The following CAPN5 variants were observed in gnomAD, a reference collection of about 807,000 sequenced individuals.
The protein encoded by CAPN5 is calpain-5.
In CAPN5, 54 loss-of-function variants were observed where a neutral mutation model predicts 73.0. That is an observed-to-expected ratio of 0.74 (90% CI 0.59 to 0.93). The LOEUF (loss-of-function observed/expected upper bound fraction) is 0.93. CAPN5 is among the 40% of genes least tolerant of loss of function. The probability of loss-of-function intolerance (pLI) is 0.00; values close to 1 mark genes in which losing one functional copy is unlikely to be tolerated. For missense variants in CAPN5, 785 were observed against 882.9 expected (o/e 0.89, Z 1.41); for synonymous variants, 335 against 356.9 (o/e 0.94, Z 0.69).
At chr11:77,122,353 C>T (rs1950528191) in intron 11 of CAPN5, among the ~76,000 whole-genome samples, 1 of 152,108 alleles carries the variant, frequency 6.6e-6, no homozygotes, top group African/African-American at 2.4e-5. Context: ...AAAGGTGCTC[C>T]GGGCAGAGGG....
chr11:77,119,353 C>A, intron 9 of CAPN5: 1 of 604,148 alleles, frequency 1.7e-6, no homozygotes, highest in South Asian at 2.0e-5. Flanking sequence ...GCCTTGGCTT[C>A]TGTGGGAGCT....
chr11:77,083,083 AG>A (rs1555034846), intron 1 of CAPN5, among the ~76,000 whole-genome samples: 2 of 151,774 alleles, frequency 1.3e-5, no homozygotes, highest in Admixed American at 1.3e-4. Flanking sequence ...AATGGGTGGG[AG>A]GGGGCAGGGC....
chr11:77,103,034 C>T (rs199977260), intron 3 of CAPN5: 34 of 1,613,454 alleles, frequency 2.1e-5, no homozygotes, highest in Admixed American at 5.0e-5. Flanking sequence ...GGCTACAGTT[C>T]GAGCGCTGGA....
intron 3 of CAPN5, among the ~76,000 whole-genome samples, chr11:77,096,851 C>A (rs1950213828): frequency 6.6e-6 from 1 of 152,124 alleles, no homozygotes; most frequent in Non-Finnish European, 1.5e-5. Context: ...CAGTCGAATG[C>A]CTGGGTGTCT....
At chr11:77,075,594 A>G (rs1555033793) in intron 1 of CAPN5, among the ~76,000 whole-genome samples, 1 of 152,176 alleles carries the variant, frequency 6.6e-6, no homozygotes, top group African/African-American at 2.4e-5. Context: ...GGACAGGGCT[A>G]CAGCTGTGAA....
At chr11:77,103,425 G>C in intron 3 of CAPN5, 8 of 1,453,912 alleles carry the variant, frequency 5.5e-6, no homozygotes, top group East Asian at 2.3e-5. Context: ...CATTATTCTC[G>C]CTGCTCAGCC....
intron 1 of CAPN5, among the ~76,000 whole-genome samples, chr11:77,074,871 C>A (rs1949951796): frequency 2.0e-5 from 3 of 152,206 alleles, no homozygotes; most frequent in African/African-American, 7.2e-5. Flanking sequence ...TCTCCCTTCA[C>A]CCCCACCAGT....
chr11:77,104,623 C>A (rs1314451546), intron 3 of CAPN5, among the ~76,000 whole-genome samples: 1 of 152,208 alleles, frequency 6.6e-6, no homozygotes, highest in East Asian at 1.9e-4. Context: ...CCCAGAGAGC[C>A]CCCCCTTTTG....
intron 5 of CAPN5, 89 bp from the exon 6 acceptor site, chr11:77,115,306 C>A (rs563266751): frequency 9.6e-7 from 1 of 1,040,726 alleles, no homozygotes; most frequent in Non-Finnish European, 1.4e-6. Context: ...CTGTAGGTCC[C>A]GTGCAGCCTC....
In CAPN5 at chr11:77,116,950, G is replaced by A. The variant is rs144699646; in HGVS notation, c.971+647G>A. Among the ~76,000 whole-genome samples, 810 of 152,292 alleles carry A rather than the reference G, an allele frequency of 5.3e-3. 8 individuals are homozygous for A. Among genetic ancestry groups the A allele is most frequent in the African/African-American group, 0.017 (722 of 41,564 alleles). On this transcript the variant is annotated intron_variant, in intron 7 of 12. Coordinates refer to ENST00000648180, the MANE Select transcript of CAPN5 (RefSeq NM_004055.5). The stretch of plus-strand genomic sequence containing the variant: ...ACAGCAGCTCAGCTTAAAGAGCCCA[G>A]TAATTGGCTGGGTACAGTGGCTCAT...
chr11:77,088,362 A>T (rs916091215), intron 2 of CAPN5, among the ~76,000 whole-genome samples: 1 of 152,202 alleles, frequency 6.6e-6, no homozygotes, highest in Middle Eastern at 3.4e-3. Context: ...CAGAACAGTC[A>T]GTTTGCAGCA....
intron 3 of CAPN5, among the ~76,000 whole-genome samples, chr11:77,109,947 A>G (rs1950394785): frequency 6.6e-6 from 1 of 152,184 alleles, no homozygotes; most frequent in South Asian, 2.1e-4. Flanking sequence ...CAGAGCATTC[A>G]GAACAGGGCA....
chr11:77,109,887 C>T (rs1479719853), intron 3 of CAPN5, among the ~76,000 whole-genome samples: 24 of 152,166 alleles, frequency 1.6e-4, no homozygotes, highest in African/African-American at 4.6e-4. Flanking sequence ...ATGATCCTCC[C>T]GAGGTCCTAG....
At chr11:77,103,281 G>A (rs1362636600) in intron 3 of CAPN5, 1 of 1,612,756 alleles carries the variant, frequency 6.2e-7, no homozygotes, top group Non-Finnish European at 8.5e-7. Context: ...CTTTGGCGAG[G>A]GTGTGGAGCC....
In CAPN5 at chr11:77,125,588, T is replaced by C. The variant is rs1484387547; in HGVS notation, c.*1718T>C. On this transcript the variant is annotated 3_prime_UTR_variant, in exon 13 of 13. Coordinates refer to ENST00000648180, the MANE Select transcript of CAPN5 (RefSeq NM_004055.5). ...GTAAGGGCAAAATAATACCCCTTTC[T>C]CTATGTATCTCTGTATGCACACGCA... The C allele has an allele frequency of 1.3e-5, 2 of 150,304 alleles. No homozygotes were observed. Among genetic ancestry groups the C allele is most frequent in the African/African-American group, 5.0e-5 (2 of 40,148 alleles). 9.3% of individuals were successfully genotyped at this position (150,304 alleles called of 1,614,324 possible).
Position 77,124,841 on chromosome 11 carries a change from C to G in CAPN5, c.*971C>G, listed in dbSNP as rs1027905998. On this transcript the variant is annotated 3_prime_UTR_variant, in exon 13 of 13. Coordinates refer to ENST00000648180, the MANE Select transcript of CAPN5 (RefSeq NM_004055.5). ...GTGCTCACCAGAGTCAGGCCACCCA[C>G]TGGGCTCGGCAGGAGATAGGGAGCC... 2 of 152,318 alleles carry G rather than the reference C, an allele frequency of 1.3e-5. No individual in the cohort carries two copies. The highest frequency in any genetic ancestry group is 4.8e-5 in the African/African-American group (2 of 41,458). 9.4% of individuals were successfully genotyped at this position (152,318 alleles called of 1,614,324 possible). A position where few individuals can be genotyped will look rare whatever the true frequency, so the allele number is the denominator to read the frequency against.
chr11:77,069,152 C>A (rs1163006562), intron 1 of CAPN5, among the ~76,000 whole-genome samples: 1 of 152,180 alleles, frequency 6.6e-6, no homozygotes, highest in Non-Finnish European at 1.5e-5. Flanking sequence ...TCCTACTTGC[C>A]TATGACCTTG....
At chr11:77,102,564 G>A (rs1010252262) in intron 3 of CAPN5, among the ~76,000 whole-genome samples, 3 of 152,228 alleles carry the variant, frequency 2.0e-5, no homozygotes, top group South Asian at 2.1e-4. Flanking sequence ...TGACATCAGC[G>A]ACCTGGTCCC....
At chr11:77,106,882 G>A (rs942477848) in intron 3 of CAPN5, among the ~76,000 whole-genome samples, 1 of 152,236 alleles carries the variant, frequency 6.6e-6, no homozygotes, top group Non-Finnish European at 1.5e-5. Flanking sequence ...TCTGTGGTCC[G>A]AGAGAGCGGC....
Sources: gnomAD v4.1 joint callset for allele counts (sites outside exome capture counted in the v4.1 genomes callset) on GRCh38, gnomAD v4.1.1 for gene constraint, MANE v1.5 for transcripts, NCBI Gene and HGNC (gene_info 2026-07-23, HGNC 2026-07-21) for gene names.